Variants in SHISA9 observed in about 807,000 individuals in gnomAD.
The protein encoded by SHISA9 is shisa family member 9.
SHISA9 carries 13 observed loss-of-function variants against 38.0 expected under a neutral mutation model. That is an observed-to-expected ratio of 0.34 (90% CI 0.22 to 0.54). The LOEUF (loss-of-function observed/expected upper bound fraction) is 0.54, where lower values mean the gene tolerates loss of function less well. SHISA9 is among the 20% of genes least tolerant of loss of function. The pLI is 0.91. For synonymous variants in SHISA9, 275 were observed against 242.0 expected, an observed-to-expected ratio of 1.14 and a Z score of -1.27; for missense variants, 538 against 575.8, an observed-to-expected ratio of 0.93 and a Z score of 0.67.
the SHISA9 span, among the ~76,000 whole-genome samples, chr16:13,321,058 T>C: frequency 6.6e-6 from 1 of 152,250 alleles, no homozygotes; most frequent in South Asian, 2.1e-4. Context: ...TTATCTAAAT[T>C]TTAATACATT....
intron 2 of SHISA9, among the ~76,000 whole-genome samples, chr16:13,037,556 T>C (rs1240627218): frequency 6.6e-6 from 1 of 151,990 alleles, no homozygotes; most frequent in African/African-American, 2.4e-5. Context: ...GGGGCAGAGA[T>C]GAACTCTTCT....
intron 2 of SHISA9, among the ~76,000 whole-genome samples, chr16:13,049,803 C>G (rs11075181): frequency 0.63 from 94,758 of 151,546 alleles, 30,310 homozygotes; most frequent in Middle Eastern, 0.74. Context: ...CCAGATGATT[C>G]TCACCTCCTG....
intron 2 of SHISA9, among the ~76,000 whole-genome samples, chr16:13,120,246 A>T (rs1188308435): frequency 6.6e-6 from 1 of 152,152 alleles, no homozygotes. Flanking sequence ...CAGGAACCCC[A>T]TGGGGCTGTT....
At chr16:13,260,007 C>CTCTTTTTTTT in the SHISA9 span, among the ~76,000 whole-genome samples, 220 of 60,442 alleles carry the variant, frequency 3.6e-3, 2 homozygotes, top group Non-Finnish European at 5.2e-3. Flanking sequence ...TTCTTTCTTT[C>CTCTTTTTTTT]TTTTTTTTTT....
chr16:13,271,898 A>G, the SHISA9 span, among the ~76,000 whole-genome samples: 2 of 152,048 alleles, frequency 1.3e-5, no homozygotes, highest in Admixed American at 1.3e-4. Flanking sequence ...CCTGAACAAC[A>G]TGGTGAAACC....
chr16:13,184,863 C>T (rs1478788687), intron 2 of SHISA9, among the ~76,000 whole-genome samples: 4 of 152,170 alleles, frequency 2.6e-5, no homozygotes, highest in African/African-American at 9.7e-5. Context: ...GTATTGTGCT[C>T]AGTTTTTGGC....
intron 2 of SHISA9, among the ~76,000 whole-genome samples, chr16:13,069,462 CATGTGT>C (rs61411999): frequency 6.6e-6 from 1 of 151,382 alleles, no homozygotes. Flanking sequence ...ACAAAGTATG[CATGTGT>C]ATGTGTATAT....
chr16:12,972,611 C>T (rs1484812854), intron 2 of SHISA9, among the ~76,000 whole-genome samples: 2 of 152,190 alleles, frequency 1.3e-5, no homozygotes, highest in African/African-American at 4.8e-5. Context: ...AGGCACTAAT[C>T]TTATGTGACT....
intron 2 of SHISA9, among the ~76,000 whole-genome samples, chr16:13,056,959 A>G (rs2073317873): frequency 6.6e-6 from 1 of 152,196 alleles, no homozygotes. Context: ...GTAGGTTTGG[A>G]TTGAACACAG....
At chr16:13,481,486 G>C in the SHISA9 span, among the ~76,000 whole-genome samples, 1 of 152,220 alleles carries the variant, frequency 6.6e-6, no homozygotes. Context: ...CCTCAACCAT[G>C]CTGTAGAGGT....
intron 3 of SHISA9, among the ~76,000 whole-genome samples, chr16:13,209,259 C>G (rs775357535): frequency 2.0e-5 from 3 of 152,088 alleles, no homozygotes; most frequent in African/African-American, 4.8e-5. Flanking sequence ...ACGCTGGTAC[C>G]TGGATTAACA....
chr16:13,063,837 G>A (rs1395946471), intron 2 of SHISA9, among the ~76,000 whole-genome samples: 1 of 152,212 alleles, frequency 6.6e-6, no homozygotes, highest in Non-Finnish European at 1.5e-5. Flanking sequence ...CCAGGAAAAA[G>A]CAAGGGTTTG....
chr16:13,016,594 T>TGTTTTTTGCC (rs1333453835), intron 2 of SHISA9, among the ~76,000 whole-genome samples: 1 of 152,228 alleles, frequency 6.6e-6, no homozygotes, highest in East Asian at 1.9e-4. Flanking sequence ...TGTTTTTTGC[T>TGTTTTTTGCC]GTTTTTTGCC....
At chr16:13,560,828 A>G in the SHISA9 span, among the ~76,000 whole-genome samples, 1 of 150,986 alleles carries the variant, frequency 6.6e-6, no homozygotes, top group Non-Finnish European at 1.5e-5. Context: ...GAACAAAAAC[A>G]TTGTTTCTGT....
intron 2 of SHISA9, among the ~76,000 whole-genome samples, chr16:13,083,832 C>T (rs919961275): frequency 6.6e-6 from 1 of 152,168 alleles, no homozygotes; most frequent in Admixed American, 6.5e-5. Context: ...TCATCATTCA[C>T]AGCCTCTGGG....
At chr16:13,470,258 G>T in the SHISA9 span, among the ~76,000 whole-genome samples, 4 of 152,160 alleles carry the variant, frequency 2.6e-5, no homozygotes, top group Non-Finnish European at 5.9e-5. Context: ...TTGCTTTGGG[G>T]AATAAAAGTT....
At chr16:13,116,641 C>T (rs1428192270) in intron 2 of SHISA9, among the ~76,000 whole-genome samples, 1 of 152,146 alleles carries the variant, frequency 6.6e-6, no homozygotes, top group Non-Finnish European at 1.5e-5. Context: ...GGTGGGTGCT[C>T]AGCAAGTATT....
chr16:13,263,787 G>T, the SHISA9 span, among the ~76,000 whole-genome samples: 1 of 152,116 alleles, frequency 6.6e-6, no homozygotes, highest in African/African-American at 2.4e-5. Flanking sequence ...AGTTATGTAA[G>T]ATGCCACCTT....
the SHISA9 span, among the ~76,000 whole-genome samples, chr16:13,284,086 G>A: frequency 3.3e-5 from 5 of 152,226 alleles, no homozygotes; most frequent in African/African-American, 1.2e-4. Flanking sequence ...CAGATTGCAA[G>A]CTGCTTCATT....
Sources: allele counts gnomAD v4.1 joint callset (sites outside exome capture counted in the v4.1 genomes callset), GRCh38; gene constraint gnomAD v4.1.1; transcripts MANE v1.5; gene names NCBI Gene and HGNC (gene_info 2026-07-23, HGNC 2026-07-21).